NPRL3: variants seen among roughly 807,000 people sequenced by gnomAD.
NPRL3 encodes NPR3 like, GATOR1 complex subunit.
Under a neutral mutation model 57.2 loss-of-function variants are expected in NPRL3, and 23 were observed. That is an observed-to-expected ratio of 0.40 (90% CI 0.29 to 0.57). NPRL3 has a LOEUF of 0.57. Ranked by LOEUF, NPRL3 falls within the 20% of genes least tolerant of loss-of-function variation. The probability of loss-of-function intolerance (pLI) is 0.42; values close to 1 mark genes in which losing one functional copy is unlikely to be tolerated. For synonymous variants in NPRL3, 333 were observed against 321.1 expected (o/e 1.04, Z -0.39); for missense variants, 691 against 767.1 (o/e 0.90, Z 1.17).
chr16:129,606 C>T (rs1900697938), intron 3 of NPRL3, among the ~76,000 whole-genome samples: 1 of 152,132 alleles, frequency 6.6e-6, no homozygotes, highest in Non-Finnish European at 1.5e-5. Flanking sequence ...CACTTGAGGC[C>T]AGGAGCTCAG....
At chr16:135,888 C>G (rs1217024910) in intron 2 of NPRL3, among the ~76,000 whole-genome samples, 1 of 151,946 alleles carries the variant, frequency 6.6e-6, no homozygotes, top group Admixed American at 6.6e-5. Flanking sequence ...TCAAACAACC[C>G]AAGAGAACAT....
chr16:93,139 G>T, intron 10 of NPRL3, 80 bp downstream of exon 10: 1 of 936,732 alleles, frequency 1.1e-6, no homozygotes. Flanking sequence ...GGCCAACACA[G>T]AGAACAGCAT....
rs188724206 is a variant in NPRL3, at chr16:86,767, C to A, written c.1648G>T (p.Val550Leu). The A allele has an allele frequency of 8.1e-6, 13 of 1,596,120 alleles. No homozygotes were observed. The African/African-American group carries it at 1.1e-4, about 13-fold the overall frequency. ...LLMLFDKFRSVLVVTTHEDPV... is the reference protein window; with the variant it reads ...LLMLFDKFRSLLVVTTHEDPV... Reference sequence around the variant, plus strand: ...TCCTCGTGGGTGGTCACCACCAGCACGCTGCGGAACTTGTCAAACAGCATG... The same window carrying A: ...TCCTCGTGGGTGGTCACCACCAGCAAGCTGCGGAACTTGTCAAACAGCATG... The change falls in exon 14 of 14, where the codon GTG (valine) becomes TTG (leucine). Residue 550 changes from valine (V) to leucine (L), a missense_variant. Coordinates refer to ENST00000611875, the MANE Select transcript of NPRL3 (RefSeq NM_001077350.3).
At chr16:109,768 T>A (rs1899705642) in intron 7 of NPRL3, among the ~76,000 whole-genome samples, 1 of 152,188 alleles carries the variant, frequency 6.6e-6, no homozygotes. Context: ...TTAACCAGTA[T>A]AACAGGTGGG....
chr16:101,152 C>CA (rs1197342971), intron 7 of NPRL3, among the ~76,000 whole-genome samples: 1 of 152,118 alleles, frequency 6.6e-6, no homozygotes, highest in Non-Finnish European at 1.5e-5. Context: ...AGACCCCTGG[C>CA]AGACACCCAA....
intron 13 of NPRL3, 67 bp downstream of exon 13, chr16:88,631 G>C: frequency 1.4e-6 from 2 of 1,384,374 alleles, no homozygotes; most frequent in Non-Finnish European, 2.0e-6. Flanking sequence ...TGTTGCGTAC[G>C]TCCCTATCCA....
chr16:86,550 T>C lies in NPRL3; in HGVS notation c.*155A>G. ...CCACCAGGGGCAAGGACAGCGGGGC[T>C]CTGCAGGCTTCACTGGGCCACGGCC... On this transcript the variant is annotated 3_prime_UTR_variant, in exon 14 of 14. Coordinates refer to ENST00000611875, the MANE Select transcript of NPRL3 (RefSeq NM_001077350.3). The C allele has an allele frequency of 1.4e-6, 1 of 700,490 alleles. No homozygotes were observed. The highest frequency in any genetic ancestry group is 2.3e-6 in the Non-Finnish European group (1 of 428,630). 43.4% of individuals were successfully genotyped at this position (700,490 alleles called of 1,614,324 possible).
In NPRL3 at chr16:138,306, AGG is replaced by A. The variant is rs1901219903; in HGVS notation, c.-41_-40del. On this transcript the variant is annotated 5_prime_UTR_variant, in exon 2 of 14. Coordinates refer to ENST00000611875, the MANE Select transcript of NPRL3 (RefSeq NM_001077350.3). ...CGGGGCCGGGGGCGGAGGGGGCCAG[AGG>A]AGGACGGAGCCGGAGGCGGAGGGGG... 1 of 936,294 alleles carries A rather than the reference AGG, an allele frequency of 1.1e-6. No individual in the cohort carries two copies. The allele number at this position is 936,294 out of a possible 1,614,324, so 58.0% of individuals were successfully genotyped here.
rs1249397099 is a variant in NPRL3, at chr16:100,355, T to G, written c.767+17A>C. 4.0e-6 allele frequency: 6 copies of G among 1,489,826 alleles called. No individual in the cohort carries two copies. The highest frequency in any genetic ancestry group is 5.4e-6 in the Non-Finnish European group (6 of 1,115,238). 92.3% of individuals were successfully genotyped at this position (1,489,826 alleles called of 1,614,324 possible). A position where few individuals can be genotyped will look rare whatever the true frequency, so the allele number is the denominator to read the frequency against. ...AGGGCCCTGGCAGGGAGTGAGCACG[T>G]GGGGCTGGGCACTTACCGGATGGCT... On this transcript the variant is annotated intron_variant, in intron 8 of 13. Transcript: ENST00000611875.
At chr16:127,374 T>C (rs570765671) in intron 3 of NPRL3, among the ~76,000 whole-genome samples, 1 of 151,246 alleles carries the variant, frequency 6.6e-6, no homozygotes, top group Non-Finnish European at 1.5e-5. Flanking sequence ...TGGCTGGGAC[T>C]AAGGGCGCAG....
intron 2 of NPRL3, among the ~76,000 whole-genome samples, chr16:134,173 T>C (rs1900943867): frequency 6.6e-6 from 1 of 152,052 alleles, no homozygotes; most frequent in Admixed American, 6.5e-5. Flanking sequence ...AGGTTTGCCA[T>C]GAACTTTCAA....
intron 9 of NPRL3, among the ~76,000 whole-genome samples, chr16:95,413 C>T (rs970027254): frequency 1.4e-4 from 20 of 140,612 alleles, no homozygotes; most frequent in Non-Finnish European, 3.0e-4. Flanking sequence ...AGATAAAAAA[C>T]CTGGAGGGAT....
At position 133,671 on chromosome 16, in the gene NPRL3, C is replaced by T. The variant is rs80200063; in HGVS notation, c.119-3080G>A. ...CAGGTGCAGGCCTGGCTTGGAGTAACACTTCCCATTTCCTTCAAGAGCTTT... is the reference window on the plus strand; with the variant it reads ...CAGGTGCAGGCCTGGCTTGGAGTAATACTTCCCATTTCCTTCAAGAGCTTT... On this transcript the variant is annotated intron_variant, in intron 2 of 13. Transcript: ENST00000611875. Among the ~76,000 whole-genome samples the T allele has an allele frequency of 4.3e-3, 654 of 152,328 alleles. 7 individuals carry two copies. The highest frequency in any genetic ancestry group is 0.015 in the African/African-American group (620 of 41,576).
At chr16:95,323 GTGTATATATA>G (rs1312097286) in intron 9 of NPRL3, among the ~76,000 whole-genome samples, 799 of 32,868 alleles carry the variant, frequency 0.024, 10 homozygotes, top group Middle Eastern at 0.061. Flanking sequence ...ATGTTTGTGT[GTGTATATATA>G]TATATATATA....
intron 9 of NPRL3, among the ~76,000 whole-genome samples, chr16:93,620 A>C (rs1421842276): frequency 6.9e-6 from 1 of 145,578 alleles, no homozygotes; most frequent in East Asian, 2.0e-4. Context: ...GCTGGAGTGC[A>C]GTGGCACAAT....
chr16:130,703 C>A, intron 2 of NPRL3, 112 bp from the exon 3 acceptor site: 1 of 949,114 alleles, frequency 1.1e-6, no homozygotes, highest in South Asian at 1.5e-5. Context: ...CTGTCCATAC[C>A]ATGGAATATT....
At chr16:102,624 A>G (rs1010966344) in intron 7 of NPRL3, among the ~76,000 whole-genome samples, 2 of 152,072 alleles carry the variant, frequency 1.3e-5, no homozygotes, top group Non-Finnish European at 2.9e-5. Flanking sequence ...CCCTGACCCT[A>G]TTCTGCTATT....
At chr16:103,562 C>A (rs951401715) in intron 7 of NPRL3, among the ~76,000 whole-genome samples, 6 of 152,048 alleles carry the variant, frequency 3.9e-5, no homozygotes, top group Non-Finnish European at 8.8e-5. Context: ...CATCTAGGAG[C>A]ACAGTGAGGC....
chr16:101,739 C>T (rs1346347007), intron 7 of NPRL3, among the ~76,000 whole-genome samples: 2 of 152,236 alleles, frequency 1.3e-5, no homozygotes, highest in Non-Finnish European at 2.9e-5. Flanking sequence ...TGTGGCCTCA[C>T]TCCCTGTGCC....
Sources: allele counts gnomAD v4.1 joint callset (sites outside exome capture counted in the v4.1 genomes callset), GRCh38; gene constraint gnomAD v4.1.1; transcripts MANE v1.5; gene names NCBI Gene and HGNC (gene_info 2026-07-23, HGNC 2026-07-21).